The following VAMP7 variants were observed in gnomAD, a reference collection of about 807,000 sequenced individuals.
VAMP7 encodes vesicle associated membrane protein 7, also known as vesicle-associated membrane protein 7.
A neutral mutation model predicts 29.6 loss-of-function variants in VAMP7; 14 were observed. The ratio of observed to expected loss-of-function variants is 0.47; its 90% CI spans 0.31 to 0.74. VAMP7 has a LOEUF of 0.74. VAMP7 is among the 30% of genes least tolerant of loss of function. The pLI is 0.05. For synonymous variants in VAMP7, 95 were observed against 88.1 expected (o/e 1.08, Z -0.44); for missense variants, 223 against 262.4 (o/e 0.85, Z 1.04).
At chrX:155,902,119 A>T (rs747383400) in intron 5 of VAMP7, among the ~76,000 whole-genome samples, 16 of 152,126 alleles carry the variant, frequency 1.1e-4, no homozygotes, top group African/African-American at 3.4e-4. Flanking sequence ...TAGGTATTTT[A>T]TTCTCTTTGA....
intron 2 of VAMP7, among the ~76,000 whole-genome samples, chrX:155,892,493 A>T (rs1198630097): frequency 6.6e-6 from 1 of 152,026 alleles, no homozygotes; most frequent in African/African-American, 2.4e-5. Flanking sequence ...CATACTTCAT[A>T]CTTAGCCATT....
intron 5 of VAMP7, among the ~76,000 whole-genome samples, chrX:155,916,315 C>T (rs2066312374): frequency 6.6e-6 from 1 of 152,076 alleles, no homozygotes; most frequent in African/African-American, 2.4e-5. Flanking sequence ...ATTCAATTTG[C>T]CAGTCTGTGT....
chrX:155,882,501 G>A (rs915347370), intron 1 of VAMP7, among the ~76,000 whole-genome samples: 10 of 152,232 alleles, frequency 6.6e-5, no homozygotes, highest in African/African-American at 2.2e-4. Flanking sequence ...ATGACTTTTC[G>A]TAAACACCTC....
At chrX:155,886,036 A>AGAG (rs1222684120) in intron 1 of VAMP7, among the ~76,000 whole-genome samples, 1 of 152,188 alleles carries the variant, frequency 6.6e-6, no homozygotes, top group African/African-American at 2.4e-5. Context: ...AGGAGAACAA[A>AGAG]GAGGAACAGT....
chrX:155,933,339 T>C lies in VAMP7; in HGVS notation c.502-6362T>C, dbSNP rs958387923. On this transcript the variant is annotated intron_variant, in intron 6 of 7. Coordinates refer to ENST00000286448, the MANE Select transcript of VAMP7 (RefSeq NM_005638.6). ...CTGTGAATCCATCTGGTCCTGGACTTTTTTTGGTTGGTAAGCTATTAATTA... is the reference window on the plus strand; with the variant it reads ...CTGTGAATCCATCTGGTCCTGGACTCTTTTTGGTTGGTAAGCTATTAATTA... 5.9e-5 allele frequency among the ~76,000 whole-genome samples: 9 copies of C among 152,204 alleles called. No individual in the cohort carries two copies. The South Asian group carries it at 6.2e-4, about 11-fold the overall frequency.
rs780227295 is a variant in VAMP7 at position 155,900,576 on chromosome X, T to C, written c.422T>C (p.Val141Ala). The C allele has an allele frequency of 6.2e-7, 1 of 1,607,176 alleles. No homozygotes were observed. The highest frequency in any genetic ancestry group is 8.5e-7 in the Non-Finnish European group (1 of 1,176,114). Residue 141 changes from valine (V) to alanine (A), a missense_variant, in exon 5 of 8, where the codon GTC becomes GCC. Physicochemically the swap from Val to Ala is moderately conservative, Grantham distance 64. Coordinates refer to ENST00000286448, the MANE Select transcript of VAMP7 (RefSeq NM_005638.6). ...AQVDELKGIM[V>A]RNIDLVAQRG... The stretch of plus-strand genomic sequence containing the variant: ...GTGGATGAACTGAAAGGAATCATGG[T>C]CAGAAACATAGGTATGTTTCATGGC...
Position 155,943,368 on chromosome X carries a change from T to C in VAMP7, c.*1417T>C, listed in dbSNP as rs1415554510. ...GTACCTGTTCTTCTATCCAAACCTTTCAATTCATGCTACCTGATTCATTTA... is the reference window on the plus strand; with the variant it reads ...GTACCTGTTCTTCTATCCAAACCTTCCAATTCATGCTACCTGATTCATTTA... On this transcript the variant is annotated 3_prime_UTR_variant, in exon 8 of 8. Transcript: ENST00000286448. The C allele has an allele frequency of 1.3e-5, 2 of 152,270 alleles. No individual in the cohort carries two copies. The highest frequency in any genetic ancestry group is 4.8e-5 in the African/African-American group (2 of 41,332). 9.4% of individuals were successfully genotyped at this position (152,270 alleles called of 1,614,324 possible).
intron 2 of VAMP7, among the ~76,000 whole-genome samples, chrX:155,892,029 C>T (rs1025247895): frequency 1.4e-4 from 21 of 152,124 alleles, no homozygotes; most frequent in African/African-American, 5.1e-4. Flanking sequence ...GGGCATATAT[C>T]TTCCACTCAT....
Position 155,943,707 on chromosome X carries a change from A to G in VAMP7, c.*1756A>G, listed in dbSNP as rs757502593. 28 of 152,326 alleles carry G rather than the reference A, an allele frequency of 1.8e-4. No homozygotes were observed. Among genetic ancestry groups the G allele is most frequent in the African/African-American group, 6.7e-4 (28 of 41,586 alleles). 9.4% of individuals were successfully genotyped at this position (152,326 alleles called of 1,614,324 possible). A position where few individuals can be genotyped will look rare whatever the true frequency, so the allele number is the denominator to read the frequency against. The stretch of plus-strand genomic sequence containing the variant: ...TGTATAAGAATGCTTTTTAAAGCAC[A>G]TGTCTCATTTTAAATGACGCACAAA... On this transcript the variant is annotated 3_prime_UTR_variant, in exon 8 of 8. Coordinates refer to ENST00000286448, the MANE Select transcript of VAMP7 (RefSeq NM_005638.6).
chrX:155,925,331 A>G (rs2066452836), intron 6 of VAMP7, among the ~76,000 whole-genome samples: 2 of 152,174 alleles, frequency 1.3e-5, no homozygotes, highest in African/African-American at 4.8e-5. Flanking sequence ...CAGCTATACT[A>G]AATGTTTTTC....
chrX:155,942,018 C>G lies in VAMP7; in HGVS notation c.*67C>G. On this transcript the variant is annotated 3_prime_UTR_variant, in exon 8 of 8. Transcript: ENST00000286448. ...GGAGTTAAAAGCAATCCATGTGACTCAAGCCTTTCACATACTGACAGATGG... is the reference window on the plus strand; with the variant it reads ...GGAGTTAAAAGCAATCCATGTGACTGAAGCCTTTCACATACTGACAGATGG... The G allele has an allele frequency of 6.2e-7, 1 of 1,612,658 alleles. No individual in the cohort carries two copies. The highest frequency in any genetic ancestry group is 2.2e-5 in the East Asian group (1 of 44,830).
Position 155,898,242 on chromosome X carries a change from C to T in VAMP7, c.335C>T (p.Ala112Val). Residue 112 changes from alanine (A) to valine (V), a missense_variant, in exon 4 of 8, where the codon GCA becomes GTA. By Grantham distance (64) the Ala-to-Val change is moderately conservative. Transcript: ENST00000286448. ...MNSEFSSVLA[A>V]QLKHHSENKG... ...AGCGAGTTCTCAAGTGTCTTAGCTG[C>T]ACAGCTGGTAAGATCTTTCTCAGGA... The T allele has an allele frequency of 1.2e-6, 2 of 1,613,208 alleles. No homozygotes were observed. Among genetic ancestry groups the T allele is most frequent in the Non-Finnish European group, 1.7e-6 (2 of 1,179,466 alleles).
At chrX:155,919,293 C>T (rs1229212540) in intron 5 of VAMP7, among the ~76,000 whole-genome samples, 4 of 152,040 alleles carry the variant, frequency 2.6e-5, no homozygotes, top group African/African-American at 7.2e-5. Context: ...CTGGCTTGTT[C>T]AGGTTTTCTA....
At chrX:155,882,973 CA>C (rs1355512185) in intron 1 of VAMP7, among the ~76,000 whole-genome samples, 21 of 152,202 alleles carry the variant, frequency 1.4e-4, no homozygotes, top group Non-Finnish European at 3.1e-4. Context: ...GAGATCATCA[CA>C]AAACATTAAG....
chrX:155,884,062 G>T (rs1216123210), intron 1 of VAMP7, among the ~76,000 whole-genome samples: 2 of 151,596 alleles, frequency 1.3e-5, no homozygotes, highest in Non-Finnish European at 2.9e-5. Context: ...AATTTAAGTG[G>T]TAATGTTATT....
chrX:155,914,222 A>C (rs1361672107), intron 5 of VAMP7, among the ~76,000 whole-genome samples: 2 of 152,156 alleles, frequency 1.3e-5, no homozygotes, highest in Non-Finnish European at 2.9e-5. Flanking sequence ...GCATTCTGAT[A>C]CTTTGCTGAA....
At chrX:155,935,773 C>T (rs1426750807) in intron 6 of VAMP7, among the ~76,000 whole-genome samples, 7 of 152,122 alleles carry the variant, frequency 4.6e-5, no homozygotes, top group Admixed American at 1.3e-4. Context: ...GGAGGAGAGG[C>T]GCTCTGATTT....
At chrX:155,919,028 G>A (rs190653647) in intron 5 of VAMP7, among the ~76,000 whole-genome samples, 1 of 152,216 alleles carries the variant, frequency 6.6e-6, no homozygotes, top group Non-Finnish European at 1.5e-5. Context: ...CAGGGTTGTT[G>A]GCCTGCAGTT....
intron 5 of VAMP7, among the ~76,000 whole-genome samples, chrX:155,906,648 T>G (rs1010405714): frequency 2.3e-4 from 35 of 152,208 alleles, no homozygotes; most frequent in African/African-American, 8.0e-4. Flanking sequence ...TTTATTGATT[T>G]TTATAAATTG....
Sources: gnomAD v4.1 joint callset for allele counts (sites outside exome capture counted in the v4.1 genomes callset) on GRCh38, gnomAD v4.1.1 for gene constraint, MANE v1.5 for transcripts, NCBI Gene and HGNC (gene_info 2026-07-23, HGNC 2026-07-21) for gene names.